Variants in FGF12 observed in about 807,000 individuals in gnomAD.
The protein encoded by FGF12 is fibroblast growth factor 12.
In FGF12, 14 loss-of-function variants were observed where a neutral mutation model predicts 23.6. The ratio of observed to expected loss-of-function variants is 0.59; its 90% CI spans 0.39 to 0.93. FGF12 has a LOEUF of 0.93. FGF12 is among the 40% of genes least tolerant of loss of function. The pLI is 0.00. For missense variants in FGF12, 175 were observed against 217.8 expected, an observed-to-expected ratio of 0.80 and a Z score of 1.24; for synonymous variants, 62 against 77.3, an observed-to-expected ratio of 0.80 and a Z score of 1.04.
intron 2 of FGF12, among the ~76,000 whole-genome samples, chr3:192,543,899 C>A (rs1725433392): frequency 6.6e-6 from 1 of 152,112 alleles, no homozygotes; most frequent in African/African-American, 2.4e-5. Context: ...CAAGTAAAGT[C>A]CTCTTTACTC....
rs1457527905 is a variant in FGF12 at position 192,409,519 on chromosome 3, A to C, written c.14-48981T>G. Among the ~76,000 whole-genome samples the C allele has an allele frequency of 6.6e-6, 1 of 152,202 alleles. No individual in the cohort carries two copies. Among genetic ancestry groups the C allele is most frequent in the African/African-American group, 2.4e-5 (1 of 41,462 alleles). ...CGGCAGTCAGCAGCTCACAGGCAGC[A>C]GATCAGATGGGGATTACCCGCCGGA... On this transcript the variant is annotated intron_variant, in intron 2 of 5. Coordinates refer to ENST00000445105, the MANE Select transcript of FGF12 (RefSeq NM_004113.6). The surrounding 1 kb of genome is among the most constrained non-coding windows in gnomAD (Gnocchi z 4.8).
At chr3:192,334,299 G>A (rs1404285127) in intron 4 of FGF12, among the ~76,000 whole-genome samples, 1 of 152,004 alleles carries the variant, frequency 6.6e-6, no homozygotes, top group Non-Finnish European at 1.5e-5. Context: ...CAATTTCTGA[G>A]CTCCAAGGTA....
intron 2 of FGF12, among the ~76,000 whole-genome samples, chr3:192,457,516 A>C (rs532735916): frequency 6.6e-6 from 1 of 152,208 alleles, no homozygotes; most frequent in Non-Finnish European, 1.5e-5. Flanking sequence ...CATTTTAGCA[A>C]AGAGACTGGT....
rs565409367 is a variant in FGF12 at position 192,473,264 on chromosome 3, C to A, written c.14-112726G>T. On this transcript the variant is annotated intron_variant, in intron 2 of 5. Transcript: ENST00000445105. ...CTCAAGCTGCAGAAGTTTGACCTAA[C>A]CTTCAGAATGGCTGACACACTGATT... 2.5e-4 allele frequency among the ~76,000 whole-genome samples: 38 copies of A among 152,298 alleles called. No homozygotes were observed. In the South Asian group the frequency reaches 6.8e-3, roughly 27 times the overall value.
chr3:192,286,736 A>T (rs1317865930), intron 4 of FGF12, among the ~76,000 whole-genome samples: 1 of 152,022 alleles, frequency 6.6e-6, no homozygotes, highest in Admixed American at 6.6e-5. Flanking sequence ...TATACTCTTG[A>T]GATTGATTTT....
chr3:192,502,671 G>A (rs532284469), intron 2 of FGF12, among the ~76,000 whole-genome samples: 4 of 152,298 alleles, frequency 2.6e-5, no homozygotes, highest in South Asian at 2.1e-4. Context: ...TGGTACAAGC[G>A]TTTCTCCTAA....
intron 3 of FGF12, among the ~76,000 whole-genome samples, chr3:192,356,226 C>T (rs1391639239): frequency 2.0e-5 from 3 of 152,184 alleles, no homozygotes; most frequent in African/African-American, 7.2e-5. Flanking sequence ...AAACCTCTCC[C>T]TTTGCCTCAA....
At chr3:192,597,319 AAAAGC>A (rs1328815074) in intron 2 of FGF12, among the ~76,000 whole-genome samples, 4 of 152,218 alleles carry the variant, frequency 2.6e-5, no homozygotes, top group Non-Finnish European at 5.9e-5. Flanking sequence ...ATATTCCAGA[AAAAGC>A]AAATATAGGC....
chr3:192,452,750 G>T (rs1305775065), intron 2 of FGF12, among the ~76,000 whole-genome samples: 1 of 152,172 alleles, frequency 6.6e-6, no homozygotes. Context: ...GGACAGTATT[G>T]CTCCGGTCTT....
At chr3:192,712,702 T>C (rs13100544) in intron 2 of FGF12, among the ~76,000 whole-genome samples, 21,743 of 151,924 alleles carry the variant, frequency 0.14, 2,049 homozygotes, top group East Asian at 0.38. Flanking sequence ...TTTTCCGATA[T>C]GAAAAGGCTC....
chr3:192,139,784 C>G lies in FGF12; in HGVS notation c.*4225G>C, dbSNP rs1452350167. ...CTGAACATTATTAATTTTCACTTAA[C>G]TTAGATTTAAGTATTGAATTTTTAA... On this transcript the variant is annotated 3_prime_UTR_variant, in exon 6 of 6. Coordinates refer to ENST00000445105, the MANE Select transcript of FGF12 (RefSeq NM_004113.6). 1 of 151,816 alleles carries G rather than the reference C, an allele frequency of 6.6e-6. No individual in the cohort carries two copies. Among genetic ancestry groups the G allele is most frequent in the Admixed American group, 6.6e-5 (1 of 15,254 alleles). The allele number at this position is 151,816 out of a possible 1,614,324, so 9.4% of individuals were successfully genotyped here.
At chr3:192,452,993 C>A (rs773873175) in intron 2 of FGF12, among the ~76,000 whole-genome samples, 5 of 152,134 alleles carry the variant, frequency 3.3e-5, no homozygotes, top group African/African-American at 1.2e-4. Context: ...TCCATAATTC[C>A]AGACAATTTT....
intron 2 of FGF12, among the ~76,000 whole-genome samples, chr3:192,463,069 G>A (rs1722908583): frequency 6.6e-6 from 1 of 152,120 alleles, no homozygotes; most frequent in Admixed American, 6.5e-5. Flanking sequence ...TAATATCAAA[G>A]GCATTAGAAA....
intron 2 of FGF12, among the ~76,000 whole-genome samples, chr3:192,513,807 A>G (rs932494107): frequency 6.6e-6 from 1 of 152,224 alleles, no homozygotes; most frequent in Non-Finnish European, 1.5e-5. Flanking sequence ...GTAAAAGGAA[A>G]ATCAAGACAC....
At chr3:192,332,485 A>AAT (rs1447942151) in intron 4 of FGF12, among the ~76,000 whole-genome samples, 2 of 152,116 alleles carry the variant, frequency 1.3e-5, no homozygotes, top group African/African-American at 4.8e-5. Context: ...AATCTCATCA[A>AAT]ATATATATAT....
chr3:192,288,905 A>G (rs1488562186), intron 4 of FGF12, among the ~76,000 whole-genome samples: 1 of 152,102 alleles, frequency 6.6e-6, no homozygotes, highest in African/African-American at 2.4e-5. Context: ...TCTCATGTGC[A>G]CCATGCCTTT....
chr3:192,702,825 C>A (rs1718345327), intron 2 of FGF12, among the ~76,000 whole-genome samples: 1 of 152,010 alleles, frequency 6.6e-6, no homozygotes, highest in Non-Finnish European at 1.5e-5. Context: ...TTAAAAAAAA[C>A]TAGTCTAAGT....
chr3:192,283,513 T>C (rs941937318), intron 4 of FGF12, among the ~76,000 whole-genome samples: 1 of 152,254 alleles, frequency 6.6e-6, no homozygotes, highest in African/African-American at 2.4e-5. Context: ...TAAATAGCTA[T>C]AGGATTTCAG....
chr3:192,639,814 A>G (rs1715723386), intron 2 of FGF12, among the ~76,000 whole-genome samples: 1 of 152,176 alleles, frequency 6.6e-6, no homozygotes, highest in Non-Finnish European at 1.5e-5. Flanking sequence ...TGGATTTGGT[A>G]TTCTTGGGAG....
Sources: gnomAD v4.1 joint callset for allele counts (sites outside exome capture counted in the v4.1 genomes callset) on GRCh38, gnomAD v4.1.1 for gene constraint, Gnocchi (gnomAD v3.1) non-coding constraint, MANE v1.5 for transcripts, NCBI Gene and HGNC (gene_info 2026-07-23, HGNC 2026-07-21) for gene names.